RGS12: variants seen among roughly 807,000 people sequenced by gnomAD.
RGS12 encodes regulator of G protein signaling 12, also known as regulator of G-protein signaling 12.
In RGS12, 66 loss-of-function variants were observed where a neutral mutation model predicts 120.1. The ratio of observed to expected loss-of-function variants is 0.55; its 90% CI spans 0.45 to 0.67. RGS12 has a LOEUF of 0.67. Among genes scored for constraint, RGS12 ranks in the 30% least tolerant of loss-of-function variants. The pLI is 0.00. For synonymous variants in RGS12, 827 were observed against 804.7 expected (o/e 1.03, Z -0.47); for missense variants, 1,859 against 1,957.7 (o/e 0.95, Z 0.95).
intron 2 of RGS12, among the ~76,000 whole-genome samples, chr4:3,325,381 G>T (rs947295070): frequency 6.6e-6 from 1 of 152,158 alleles, no homozygotes; most frequent in Non-Finnish European, 1.5e-5. Context: ...TCCCCAATGT[G>T]ACAGTATTAA....
intron 3 of RGS12, among the ~76,000 whole-genome samples, chr4:3,364,376 C>T (rs1316671990): frequency 6.6e-6 from 1 of 152,220 alleles, no homozygotes; most frequent in Non-Finnish European, 1.5e-5. Context: ...CCCAGAGGCC[C>T]TGGCAGGGTG....
At position 3,374,420 on chromosome 4, in the gene RGS12, A is replaced by T. The variant is rs1011653140; in HGVS notation, c.1999-11996A>T. On this transcript the variant is annotated intron_variant, in intron 3 of 17. Transcript: ENST00000336727. This position sits in a 1 kb window ranked among gnomAD's most constrained non-coding sequence, Gnocchi z 6.3. ...ACGACAGGCTCGATTCGTCCCTCGC[A>T]TGCTGCCCTCCCAGCCTGGCCCTGC... Among the ~76,000 whole-genome samples, 30 of 152,140 alleles carry T rather than the reference A, an allele frequency of 2.0e-4. 1 individual carries two copies. Among genetic ancestry groups the T allele is most frequent in the African/African-American group, 6.3e-4 (26 of 41,514 alleles).
intron 2 of RGS12, among the ~76,000 whole-genome samples, chr4:3,334,413 T>C (rs1424940238): frequency 6.6e-6 from 1 of 152,234 alleles, no homozygotes; most frequent in African/African-American, 2.4e-5. Flanking sequence ...TATACACTGA[T>C]GTATTTGGTT....
At chr4:3,339,350 C>T (rs558740433) in intron 2 of RGS12, among the ~76,000 whole-genome samples, 2 of 152,294 alleles carry the variant, frequency 1.3e-5, no homozygotes, top group South Asian at 4.1e-4. Flanking sequence ...GGCCTGTTGG[C>T]ACATGCCTGT....
intron 2 of RGS12, among the ~76,000 whole-genome samples, chr4:3,328,093 A>T (rs1030625829): frequency 6.6e-6 from 1 of 152,264 alleles, no homozygotes; most frequent in African/African-American, 2.4e-5. Context: ...TCACAGCCAC[A>T]TGGATGGAAT....
chr4:3,417,720 T>C lies in RGS12; in HGVS notation c.2761+179T>C, dbSNP rs1210300864. ...TGCCGCTGTGTCTGGGGACACGACC[T>C]GTCAGCCAGCCAGAGGGCAGCAGGG... On this transcript the variant is annotated intron_variant, in intron 9 of 17. Transcript: ENST00000336727. 4 of 642,750 alleles carry C rather than the reference T, an allele frequency of 6.2e-6. No individual in the cohort carries two copies. The South Asian group carries it at 8.0e-5, about 13-fold the overall frequency. 39.8% of individuals were successfully genotyped at this position (642,750 alleles called of 1,614,324 possible).
intron 3 of RGS12, among the ~76,000 whole-genome samples, chr4:3,362,208 G>A (rs1715638770): frequency 6.6e-6 from 1 of 152,144 alleles, no homozygotes; most frequent in African/African-American, 2.4e-5. Flanking sequence ...GACATGGGGT[G>A]TGGGTGGGGT....
chr4:3,290,323 A>G (rs1400453155), upstream of RGS12, among the ~76,000 whole-genome samples: 2 of 152,200 alleles, frequency 1.3e-5, no homozygotes, highest in African/African-American at 4.8e-5. Flanking sequence ...ATCTCCACCC[A>G]TCTCCAGAAT....
intron 3 of RGS12, among the ~76,000 whole-genome samples, chr4:3,364,375 C>T (rs1716071397): frequency 6.6e-6 from 1 of 152,170 alleles, no homozygotes; most frequent in Non-Finnish European, 1.5e-5. Context: ...ACCCAGAGGC[C>T]CTGGCAGGGT....
At chr4:3,288,812 T>C (rs1722955034), upstream of RGS12, among the ~76,000 whole-genome samples, 1 of 152,194 alleles carries the variant, frequency 6.6e-6, no homozygotes. The surrounding 1 kb of genome is among the most constrained non-coding windows in gnomAD (Gnocchi z 5.2). Context: ...GCATGTGGCT[T>C]GCTGGGGGCC....
At chr4:3,352,655 T>TA (rs1188229325) in intron 3 of RGS12, among the ~76,000 whole-genome samples, 3 of 152,320 alleles carry the variant, frequency 2.0e-5, no homozygotes, top group African/African-American at 7.2e-5. Flanking sequence ...CAAGGATCAA[T>TA]AACAAGGGTG....
intron 2 of RGS12, among the ~76,000 whole-genome samples, chr4:3,340,798 C>T (rs1274007545): frequency 1.5e-5 from 2 of 131,412 alleles, no homozygotes; most frequent in African/African-American, 6.3e-5. Context: ...AGTCCGTTCT[C>T]CAGCCTCGGA....
Position 3,303,942 on chromosome 4 carries a change from C to T in RGS12, c.-102+10843C>T, listed in dbSNP as rs568582554. Reference sequence around the variant, plus strand: ...TCTTTCCCCTAATCATTCATGTTTGCCATACTTCTGAATTCTAAAAGCTGC... The same window carrying T: ...TCTTTCCCCTAATCATTCATGTTTGTCATACTTCTGAATTCTAAAAGCTGC... On this transcript the variant is annotated intron_variant, in intron 1 of 17. Transcript: ENST00000336727. 7.8e-4 allele frequency among the ~76,000 whole-genome samples: 119 copies of T among 152,306 alleles called. 1 individual carries two copies. The highest frequency in any genetic ancestry group is 4.6e-3 in the South Asian group (22 of 4,818).
Position 3,325,334 on chromosome 4 carries a change from ATTGT to A in RGS12, c.1881+7288_1881+7291del, listed in dbSNP as rs914515344. Among the ~76,000 whole-genome samples the A allele has an allele frequency of 1.7e-4, 26 of 152,296 alleles. 1 individual carries two copies. Among genetic ancestry groups the A allele is most frequent in the African/African-American group, 5.8e-4 (24 of 41,554 alleles). On this transcript the variant is annotated intron_variant, in intron 2 of 17. Coordinates refer to ENST00000336727, the MANE Select transcript of RGS12 (RefSeq NM_001394154.1). Reference sequence around the variant, plus strand: ...CATAATAGGGATATGCTATGGTTTGATTGTTTGTCCTCTCTGAAACTCATGTTGA... The same window carrying A: ...CATAATAGGGATATGCTATGGTTTGATTGTCCTCTCTGAAACTCATGTTGA...
intron 3 of RGS12, among the ~76,000 whole-genome samples, chr4:3,368,116 G>C (rs1158640503): frequency 6.6e-6 from 1 of 152,190 alleles, no homozygotes; most frequent in African/African-American, 2.4e-5. Flanking sequence ...CTGTTCCCAG[G>C]GTCTGGGGGC....
In RGS12 at chr4:3,316,781, A is replaced by T. The variant is rs554044371; in HGVS notation, c.611A>T (p.His204Leu). The change falls in exon 2 of 18, where the codon CAT becomes CTT. Residue 204 changes from histidine (H) to leucine (L), a missense_variant. Transcript: ENST00000336727. ...LSKEEISKVI[H>L]DDSVFSIGLE... is the part of the protein sequence containing the mutation. ...AAGGAGGAAATATCAAAAGTTATTCATGATGATTCGGTTTTCAGCATTGGA... is the reference window on the plus strand; with the variant it reads ...AAGGAGGAAATATCAAAAGTTATTCTTGATGATTCGGTTTTCAGCATTGGA... 1.5e-5 allele frequency: 24 copies of T among 1,614,264 alleles called. No individual in the cohort carries two copies. The South Asian group carries it at 2.0e-4, about 13-fold the overall frequency.
At chr4:3,426,840 C>T (rs1723710502) in intron 14 of RGS12, 1 of 152,274 alleles carries the variant, frequency 6.6e-6, no homozygotes, top group South Asian at 2.1e-4. Context: ...GGAGGTGTGT[C>T]TTGGAAAGAG....
Position 3,365,694 on chromosome 4 carries a change from C to T in RGS12, c.1999-20722C>T, listed in dbSNP as rs1424726027. On this transcript the variant is annotated intron_variant, in intron 3 of 17. Coordinates refer to ENST00000336727, the MANE Select transcript of RGS12 (RefSeq NM_001394154.1). The surrounding 1 kb of genome is among the most constrained non-coding windows in gnomAD (Gnocchi z 4.0). Reference sequence around the variant, plus strand: ...CCTCACAGGCCTTTCAGAATAAGCTCCTTTTACCCTGTCTCTTAGGTTTGC... The same window carrying T: ...CCTCACAGGCCTTTCAGAATAAGCTTCTTTTACCCTGTCTCTTAGGTTTGC... 1.3e-5 allele frequency among the ~76,000 whole-genome samples: 2 copies of T among 152,132 alleles called. No homozygotes were observed. The highest frequency in any genetic ancestry group is 4.8e-5 in the African/African-American group (2 of 41,432).
chr4:3,429,154 TGCTGAGCTCTCTTG>T (rs1306799664), intron 16 of RGS12, among the ~76,000 whole-genome samples: 3 of 152,204 alleles, frequency 2.0e-5, no homozygotes, highest in Non-Finnish European at 2.9e-5. Flanking sequence ...ACCGTGGGCT[TGCTGAGCTCTCTTG>T]GCTGCGGGGG....
Sources: allele counts gnomAD v4.1 joint callset (sites outside exome capture counted in the v4.1 genomes callset), GRCh38; gene constraint gnomAD v4.1.1; non-coding constraint Gnocchi (gnomAD v3.1); transcripts MANE v1.5; gene names NCBI Gene and HGNC (gene_info 2026-07-23, HGNC 2026-07-21).